The following PTK2 variants were observed in gnomAD, a reference collection of about 807,000 sequenced individuals.
The protein encoded by PTK2 is focal adhesion kinase 1.
In PTK2, 45 loss-of-function variants were observed where a neutral mutation model predicts 150.1. The ratio of observed to expected loss-of-function variants is 0.30; its 90% confidence interval spans 0.24 to 0.38. The LOEUF (loss-of-function observed/expected upper bound fraction) is 0.38, where lower values mean the gene tolerates loss of function less well. Ranked by LOEUF, PTK2 falls within the 10% of genes least tolerant of loss-of-function variation. PTK2 has a pLI of 1.00. For synonymous variants in PTK2, 432 were observed against 449.2 expected (o/e 0.96, Z 0.48); for missense variants, 919 against 1,307.3 (o/e 0.70, Z 4.58).
chr8:140,812,141 T>A (rs2100101954), intron 10 of PTK2, among the ~76,000 whole-genome samples: 3 of 151,984 alleles, frequency 2.0e-5, no homozygotes, highest in African/African-American at 7.3e-5. Context: ...AGAAAAAATG[T>A]TAAAGGAAAC....
intron 1 of PTK2, among the ~76,000 whole-genome samples, chr8:140,958,820 CAT>C (rs1217811727): frequency 6.6e-6 from 1 of 152,216 alleles, no homozygotes; most frequent in South Asian, 2.1e-4. Flanking sequence ...TTTAAAATCA[CAT>C]GTGGCTCACA....
chr8:140,845,119 C>T (rs1225185355), intron 7 of PTK2, among the ~76,000 whole-genome samples: 1 of 152,220 alleles, frequency 6.6e-6, no homozygotes, highest in Non-Finnish European at 1.5e-5. Flanking sequence ...ACAACAGCTT[C>T]CTGGCTCCTT....
intron 22 of PTK2, among the ~76,000 whole-genome samples, chr8:140,719,273 C>G (rs1263141822): frequency 6.6e-6 from 1 of 152,168 alleles, no homozygotes; most frequent in East Asian, 1.9e-4. Context: ...TTCTTTCTTG[C>G]TCCAGTTAGA....
At chr8:140,992,897 C>T (rs1042466168) in intron 1 of PTK2, among the ~76,000 whole-genome samples, 5 of 152,166 alleles carry the variant, frequency 3.3e-5, no homozygotes, top group Non-Finnish European at 7.3e-5. Context: ...ATTAAGAAGA[C>T]GTTTGTTCTT....
intron 5 of PTK2, among the ~76,000 whole-genome samples, chr8:140,856,820 C>T (rs534441762): frequency 5.3e-5 from 8 of 152,196 alleles, no homozygotes; most frequent in South Asian, 2.1e-4. Flanking sequence ...TCTAGGTTAA[C>T]GATACTTATG....
intron 11 of PTK2, among the ~76,000 whole-genome samples, chr8:140,802,737 T>A (rs1228389734): frequency 6.6e-6 from 1 of 152,208 alleles, no homozygotes; most frequent in African/African-American, 2.4e-5. Flanking sequence ...TATTTAGAGA[T>A]ACAAATACCA....
intron 22 of PTK2, chr8:140,721,582 T>C (rs1362868551): frequency 6.6e-6 from 1 of 152,090 alleles, no homozygotes; most frequent in Non-Finnish European, 1.5e-5. Flanking sequence ...AGCTAGGGCA[T>C]GTGCACACAT....
chr8:140,673,105 C>T (rs1002984336), intron 29 of PTK2, among the ~76,000 whole-genome samples: 1 of 144,564 alleles, frequency 6.9e-6, no homozygotes, highest in Non-Finnish European at 1.5e-5. Flanking sequence ...AAGATGCATC[C>T]TTTTTTTTTT....
At chr8:140,771,779 A>AT (rs34027936) in intron 14 of PTK2, among the ~76,000 whole-genome samples, 7,617 of 135,042 alleles carry the variant, frequency 0.056, 565 homozygotes, top group African/African-American at 0.17. Context: ...TCCTATTAAC[A>AT]TTTTTTTTTT....
chr8:140,769,466 G>T, intron 14 of PTK2, 109 bp downstream of exon 16: 1 of 668,942 alleles, frequency 1.5e-6, no homozygotes, highest in Non-Finnish European at 2.1e-6. Flanking sequence ...TTTGTACTTG[G>T]TTCTGTTGGA....
chr8:140,700,568 C>T (rs1564649892), intron 26 of PTK2, among the ~76,000 whole-genome samples: 1 of 151,840 alleles, frequency 6.6e-6, no homozygotes, highest in Non-Finnish European at 1.5e-5. Flanking sequence ...ACTGCAACCT[C>T]CACCTCCTGG....
At chr8:140,926,614 A>C (rs1441770021) in intron 1 of PTK2, among the ~76,000 whole-genome samples, 3 of 152,206 alleles carry the variant, frequency 2.0e-5, no homozygotes, top group Non-Finnish European at 4.4e-5. Flanking sequence ...ATATGAATTC[A>C]GATAAAAGTC....
At chr8:141,000,267 C>G (rs1451749990) in intron 1 of PTK2, among the ~76,000 whole-genome samples, 1 of 152,176 alleles carries the variant, frequency 6.6e-6, no homozygotes, top group Non-Finnish European at 1.5e-5. Flanking sequence ...CACAATGACT[C>G]CAGTGAGGAC....
intron 16 of PTK2, among the ~76,000 whole-genome samples, chr8:140,756,691 C>CAAAAA (rs544200204): frequency 2.0e-5 from 2 of 99,482 alleles, no homozygotes; most frequent in Non-Finnish European, 4.2e-5. Flanking sequence ...AACTCTGTCT[C>CAAAAA]AAAAAAAAAA....
At chr8:140,879,676 GAAA>G in intron 3 of PTK2, 39 bp from the exon 4 acceptor site, 360 of 33,788 alleles carry the variant, frequency 0.011, no homozygotes, top group Middle Eastern at 0.014. Context: ...GTTATAAACT[GAAA>G]AAAAAAAAAA....
At chr8:140,669,301 G>GTATGTGTA (rs547959878) in intron 29 of PTK2, 4 of 97,984 alleles carry the variant, frequency 4.1e-5, no homozygotes, top group African/African-American at 1.4e-4. Flanking sequence ...GCATAAAATG[G>GTATGTGTA]TATATATATA....
At chr8:140,877,790 A>G (rs987348176) in intron 4 of PTK2, among the ~76,000 whole-genome samples, 2 of 152,176 alleles carry the variant, frequency 1.3e-5, no homozygotes, top group Admixed American at 1.3e-4. Context: ...AGACCCAGTC[A>G]GTAAAGCAGT....
chr8:140,734,486 T>G (rs571422259), intron 22 of PTK2, among the ~76,000 whole-genome samples: 1 of 152,232 alleles, frequency 6.6e-6, no homozygotes, highest in South Asian at 2.1e-4. Flanking sequence ...CGTCAAGAGC[T>G]CTGAGTGTAG....
At chr8:140,997,618 C>A (rs1011439276) in intron 1 of PTK2, among the ~76,000 whole-genome samples, 3 of 152,248 alleles carry the variant, frequency 2.0e-5, no homozygotes, top group Non-Finnish European at 4.4e-5. Context: ...TTGCTGAAGG[C>A]TCAGATGATC....
Sources: allele counts gnomAD v4.1 joint callset (sites outside exome capture counted in the v4.1 genomes callset), GRCh38; gene constraint gnomAD v4.1.1; transcripts MANE v1.5; gene names NCBI Gene and HGNC (gene_info 2026-07-23, HGNC 2026-07-21).